RYR3: variants seen among roughly 807,000 people sequenced by gnomAD.
RYR3 encodes brain ryanodine receptor-calcium release channel.
In RYR3, 207 loss-of-function variants were observed where a neutral mutation model predicts 584.3. The ratio of observed to expected loss-of-function variants is 0.35; its 90% CI spans 0.32 to 0.40. The LOEUF (loss-of-function observed/expected upper bound fraction) is 0.40, where lower values mean the gene tolerates loss of function less well. RYR3 is among the 10% of genes least tolerant of loss of function. The pLI, the probability that RYR3 is intolerant of heterozygous loss-of-function variation, is 1.00. For synonymous variants in RYR3, 2,416 were observed against 2,248.5 expected (o/e 1.07, Z -2.11); for missense variants, 5,616 against 6,089.2 (o/e 0.92, Z 2.59).
At chr15:33,432,601 CTTTCT>C (rs2045268761) in intron 1 of RYR3, among the ~76,000 whole-genome samples, 1 of 138,654 alleles carries the variant, frequency 7.2e-6, no homozygotes, top group Non-Finnish European at 1.5e-5. Context: ...TTCTTTTTTT[CTTTCT>C]TTTTTTTTTT....
chr15:33,846,417 T>G lies in RYR3; in HGVS notation c.13497+1355T>G, dbSNP rs370528497. On this transcript the variant is annotated intron_variant, in intron 93 of 103. Transcript: ENST00000634891. ...CACAACCACTACAGTTATGTCAATC[T>G]TCTGTCATTCAATTTTTGGTGTCCC... 7.9e-5 allele frequency among the ~76,000 whole-genome samples: 12 copies of G among 152,332 alleles called. No homozygotes were observed. In the South Asian group the frequency reaches 2.5e-3, roughly 32 times the overall value.
chr15:33,823,107 A>G (rs767550557), intron 81 of RYR3, 35 bp downstream of exon 81: 42 of 1,576,492 alleles, frequency 2.7e-5, no homozygotes, highest in Non-Finnish European at 3.2e-5. Context: ...CATTTAAAAA[A>G]CTCTTCCCTC....
chr15:33,598,651 C>T (rs932880798), intron 16 of RYR3, among the ~76,000 whole-genome samples: 1 of 151,660 alleles, frequency 6.6e-6, no homozygotes, highest in Non-Finnish European at 1.5e-5. Flanking sequence ...AAAAACTCAT[C>T]TTCCCTGTTG....
intron 1 of RYR3, among the ~76,000 whole-genome samples, chr15:33,356,464 G>A (rs769244452): frequency 6.6e-6 from 1 of 152,302 alleles, no homozygotes; most frequent in South Asian, 2.1e-4. Context: ...TTTGCAGGTA[G>A]GCTTAGAAGT....
Position 33,424,756 on chromosome 15 carries a change from CTTAT to C in RYR3, c.52-48658_52-48655del, listed in dbSNP as rs573052892. On this transcript the variant is annotated intron_variant, in intron 1 of 103. Coordinates refer to ENST00000634891, the MANE Select transcript of RYR3 (RefSeq NM_001036.6). ...GGGGTTTTTGTGAACTCTTCTGTGT[CTTAT>C]TTATCTTATTTATCATATCTTATTT... 4.1e-3 allele frequency among the ~76,000 whole-genome samples: 626 copies of C among 152,184 alleles called. 3 individuals carry two copies. Among genetic ancestry groups the C allele is most frequent in the African/African-American group, 0.014 (581 of 41,516 alleles).
chr15:33,800,842 G>C lies in RYR3; in HGVS notation c.9903G>C (p.Leu3301=), dbSNP rs2075879291. 1 of 1,612,786 alleles carries C rather than the reference G, an allele frequency of 6.2e-7. No homozygotes were observed. The highest frequency in any genetic ancestry group is 1.7e-5 in the Admixed American group (1 of 60,004). The change falls in exon 68 of 104, where the codon CTG becomes CTC. Residue 3301 remains leucine, a synonymous_variant. Transcript: ENST00000634891. Reference sequence around the variant, plus strand: ...GCATGGTGGCAGAAGTCTTCATTCTGTGGTGTAAATCTCATGTAAGAACAC... The same window carrying C: ...GCATGGTGGCAGAAGTCTTCATTCTCTGGTGTAAATCTCATGTAAGAACAC... The part of the protein sequence containing the change: ...LFRMVAEVFI[L]WCKSHNFKRE...
At chr15:33,438,740 T>C (rs559409095) in intron 1 of RYR3, among the ~76,000 whole-genome samples, 17 of 152,346 alleles carry the variant, frequency 1.1e-4, no homozygotes, top group South Asian at 2.1e-4. Flanking sequence ...TTTATTCAGG[T>C]CTTCGTCAAT....
At chr15:33,725,384 A>C (rs2068308202) in intron 45 of RYR3, among the ~76,000 whole-genome samples, 1 of 152,082 alleles carries the variant, frequency 6.6e-6, no homozygotes, top group African/African-American at 2.4e-5. Flanking sequence ...CATACCATCC[A>C]GCCCACCTGG....
intron 1 of RYR3, among the ~76,000 whole-genome samples, chr15:33,403,639 AT>A (rs1372150501): frequency 6.6e-6 from 1 of 152,230 alleles, no homozygotes; most frequent in African/African-American, 2.4e-5. Flanking sequence ...TGTATGATTC[AT>A]TAATCTAAAT....
chr15:33,400,410 T>C (rs1361761485), intron 1 of RYR3, among the ~76,000 whole-genome samples: 5 of 152,200 alleles, frequency 3.3e-5, no homozygotes, highest in African/African-American at 4.8e-5. Context: ...TTGTAACTTT[T>C]CCTTTAAAGC....
intron 1 of RYR3, among the ~76,000 whole-genome samples, chr15:33,340,472 C>A (rs559239224): frequency 9.8e-5 from 15 of 152,306 alleles, no homozygotes; most frequent in Non-Finnish European, 1.8e-4. Context: ...TTATAAAACA[C>A]CATAGACTGG....
intron 51 of RYR3, among the ~76,000 whole-genome samples, chr15:33,740,912 T>C (rs1026813248): frequency 6.6e-5 from 10 of 152,224 alleles, no homozygotes; most frequent in African/African-American, 2.4e-4. Context: ...TGAGACAGAA[T>C]TGAAACTGCT....
At chr15:33,592,464 T>C (rs777620679) in intron 16 of RYR3, among the ~76,000 whole-genome samples, 2 of 152,198 alleles carry the variant, frequency 1.3e-5, no homozygotes, top group African/African-American at 2.4e-5. Context: ...CTTTGGGCTT[T>C]GGAATCCCTT....
chr15:33,455,500 C>T (rs1316806785), intron 1 of RYR3, among the ~76,000 whole-genome samples: 2 of 144,012 alleles, frequency 1.4e-5, no homozygotes, highest in East Asian at 2.0e-4. Context: ...GAGAGGAGTA[C>T]GTGCCTTAAA....
chr15:33,386,901 G>A (rs577198142), intron 1 of RYR3, among the ~76,000 whole-genome samples: 19 of 151,086 alleles, frequency 1.3e-4, no homozygotes, highest in African/African-American at 3.9e-4. Context: ...TCTGTCGCCC[G>A]GGCTGGAGTG....
chr15:33,695,304 C>T (rs2339298), intron 38 of RYR3, among the ~76,000 whole-genome samples: 57,506 of 152,122 alleles, frequency 0.38, 13,048 homozygotes, highest in East Asian at 0.63. Context: ...TCCCCTTCCT[C>T]CTTTACCTCC....
intron 27 of RYR3, among the ~76,000 whole-genome samples, chr15:33,639,029 A>G (rs12909514): frequency 0.29 from 43,538 of 152,034 alleles, 7,061 homozygotes; most frequent in Middle Eastern, 0.38. Flanking sequence ...TCAAGAAACT[A>G]TTGTCTTCTC....
chr15:33,559,124 T>TGGTTTGCATATAAAAGGTGAGTCTTG (rs2057266251), intron 10 of RYR3, among the ~76,000 whole-genome samples: 1 of 152,162 alleles, frequency 6.6e-6, no homozygotes, highest in East Asian at 1.9e-4. Flanking sequence ...CGCTTTGAGT[T>TGGTTTGCATATAAAAGGTGAGTCTTG]GGTTTGCATA....
At chr15:33,590,941 G>A (rs2059101443) in intron 16 of RYR3, among the ~76,000 whole-genome samples, 1 of 152,068 alleles carries the variant, frequency 6.6e-6, no homozygotes, top group Non-Finnish European at 1.5e-5. Flanking sequence ...TCCCTTTCAT[G>A]GAAATAACTG....
Sources: gnomAD v4.1 joint callset for allele counts (sites outside exome capture counted in the v4.1 genomes callset) on GRCh38, gnomAD v4.1.1 for gene constraint, MANE v1.5 for transcripts, NCBI Gene and HGNC (gene_info 2026-07-23, HGNC 2026-07-21) for gene names.